The following CAPN2 variants were observed in gnomAD, a reference collection of about 807,000 sequenced individuals.
CAPN2 encodes the protein calpain 2, also known as calpain-2 catalytic subunit.
Under a neutral mutation model 102.3 loss-of-function variants are expected in CAPN2, and 92 were observed. The observed-to-expected ratio is 0.90, with a 90% CI of 0.76 to 1.07. CAPN2 has a LOEUF of 1.07. CAPN2 is among the 50% of genes least tolerant of loss of function. The probability of loss-of-function intolerance (pLI) is 0.00; values close to 1 mark genes in which losing one functional copy is unlikely to be tolerated. For missense variants in CAPN2, 800 were observed against 909.4 expected, an observed-to-expected ratio of 0.88 and a Z score of 1.55; for synonymous variants, 340 against 355.4, an observed-to-expected ratio of 0.96 and a Z score of 0.49.
At chr1:223,760,960 T>C (rs949421152) in intron 12 of CAPN2, among the ~76,000 whole-genome samples, 2 of 152,206 alleles carry the variant, frequency 1.3e-5, no homozygotes, top group African/African-American at 4.8e-5. Context: ...ACCCTCACTA[T>C]GGAGCAGAAG....
rs770639720 is a variant in CAPN2 at position 223,747,179 on chromosome 1, G to T, written c.729+14G>T. On this transcript the variant is annotated intron_variant, in intron 5 of 20. Coordinates refer to ENST00000295006, the MANE Select transcript of CAPN2 (RefSeq NM_001748.5). ...TGCTCCATCGACGTAAGTCCAGGCTGCCTTCCCTAGCCTCACCCCATCTGC... is the reference window on the plus strand; with the variant it reads ...TGCTCCATCGACGTAAGTCCAGGCTTCCTTCCCTAGCCTCACCCCATCTGC... 1.3e-6 allele frequency: 2 copies of T among 1,598,870 alleles called. No homozygotes were observed.
intron 15 of CAPN2, among the ~76,000 whole-genome samples, chr1:223,765,320 G>A (rs188474175): frequency 2.6e-4 from 40 of 152,276 alleles, no homozygotes; most frequent in African/African-American, 8.7e-4. Flanking sequence ...GGCCAGTCAG[G>A]TTACGGTCAG....
upstream of CAPN2, among the ~76,000 whole-genome samples, chr1:223,708,206 T>A (rs1237540289): frequency 6.6e-6 from 1 of 152,168 alleles, no homozygotes. Flanking sequence ...CCCCGCCTTA[T>A]TCAAGAGTAA....
rs369952708 is a variant in CAPN2, at chr1:223,770,467, C to T, written c.1845C>T (p.Asp615=). 1.9e-6 allele frequency: 3 copies of T among 1,613,536 alleles called. No individual in the cohort carries two copies. Among genetic ancestry groups the T allele is most frequent in the Non-Finnish European group, 8.5e-7 (1 of 1,179,660 alleles). The part of the protein sequence containing the change: ...QKYQKIYREI[D]VDRSGTMNSY... Reference sequence around the variant, plus strand: ...TCCAGAAAATTTACCGAGAAATCGACGTTGACAGGTCTGGTACCATGAATT... The same window carrying T: ...TCCAGAAAATTTACCGAGAAATCGATGTTGACAGGTCTGGTACCATGAATT... Residue 615 remains aspartate (D), a synonymous_variant, in exon 18 of 21, where the codon GAC becomes GAT. Coordinates refer to ENST00000295006, the MANE Select transcript of CAPN2 (RefSeq NM_001748.5).
chr1:223,707,429 A>C (rs141578950), intron 1 of CAPN2, among the ~76,000 whole-genome samples: 2 of 152,278 alleles, frequency 1.3e-5, no homozygotes, highest in Non-Finnish European at 2.9e-5. Flanking sequence ...GTGTTTGTCT[A>C]TGTCCTTGTG....
intron 8 of CAPN2, among the ~76,000 whole-genome samples, chr1:223,752,572 C>T (rs1430037021): frequency 6.6e-6 from 1 of 152,200 alleles, no homozygotes; most frequent in African/African-American, 2.4e-5. Context: ...GAGTTCTGAG[C>T]TTCAGAGAAG....
chr1:223,742,418 A>G (rs1333909438), intron 2 of CAPN2, among the ~76,000 whole-genome samples: 3 of 151,204 alleles, frequency 2.0e-5, no homozygotes, highest in East Asian at 3.9e-4. Flanking sequence ...CAAAGAATTC[A>G]GTGAACTTCA....
At chr1:223,712,521 C>A, upstream of CAPN2, 1 of 1,220,034 alleles carries the variant, frequency 8.2e-7, no homozygotes, top group Non-Finnish European at 1.0e-6. Flanking sequence ...AATCATCGCT[C>A]GCAGCGGCGG....
Position 223,704,520 on chromosome 1 carries a change from G to A in CAPN2, c.3+2689G>A, listed in dbSNP as rs146706614. Reference sequence around the variant, plus strand: ...GCAACGTTTTCCCTATTCTACAGATGGAGAAATTGAGGTCTAGGAAGACCA... The same window carrying A: ...GCAACGTTTTCCCTATTCTACAGATAGAGAAATTGAGGTCTAGGAAGACCA... On this transcript the variant is annotated intron_variant, in intron 1 of 20. Transcript: ENST00000433674. 8.5e-3 allele frequency among the ~76,000 whole-genome samples: 1,300 copies of A among 152,256 alleles called. 61 individuals carry two copies. Among genetic ancestry groups the A allele is most frequent in the Admixed American group, 0.079 (1,202 of 15,290 alleles).
In CAPN2 at chr1:223,712,686, G is replaced by C. The variant is rs764162448; in HGVS notation, c.46G>C (p.Glu16Gln). The C allele has an allele frequency of 1.9e-6, 3 of 1,563,194 alleles. No homozygotes were observed. Among genetic ancestry groups the C allele is most frequent in the Non-Finnish European group, 2.6e-6 (3 of 1,157,162 alleles). The change falls in exon 1 of 21, where the codon GAG (glutamate) becomes CAG (glutamine). Residue 16 changes from glutamate (E) to glutamine (Q), a missense_variant. Physicochemically the swap from Glu to Gln is conservative, Grantham distance 29. Coordinates refer to ENST00000295006, the MANE Select transcript of CAPN2 (RefSeq NM_001748.5). ...GCTGGCGAAGGACCGGGAGGCGGCC[G>C]AGGGGCTGGGCTCCCACGACAGGGC... is the stretch of plus-strand genomic sequence containing the variant. ...AKLAKDREAAEGLGSHDRAIK... is the reference protein window; with the variant it reads ...AKLAKDREAAQGLGSHDRAIK...
In CAPN2 at chr1:223,728,354, T is replaced by C. The variant is rs533623711; in HGVS notation, c.307+10523T>C. Among the ~76,000 whole-genome samples, 15 of 152,238 alleles carry C rather than the reference T, an allele frequency of 9.9e-5. No homozygotes were observed. In the South Asian group the frequency reaches 1.7e-3, roughly 17 times the overall value. ...CAGCAGGGGTCCAGGGATCTCTGTC[T>C]CTTTTGTGGTCTCCCCATCACAGGG... On this transcript the variant is annotated intron_variant, in intron 2 of 20. Transcript: ENST00000295006.
intron 2 of CAPN2, among the ~76,000 whole-genome samples, chr1:223,742,673 C>T (rs1057251065): frequency 6.2e-5 from 9 of 146,076 alleles, no homozygotes; most frequent in Non-Finnish European, 1.3e-4. Flanking sequence ...GTGTCTACCA[C>T]CACACCTGGC....
intron 2 of CAPN2, among the ~76,000 whole-genome samples, chr1:223,719,058 C>T (rs368737794): frequency 1.3e-4 from 20 of 152,334 alleles, no homozygotes; most frequent in Middle Eastern, 3.4e-3. Flanking sequence ...TCAGGCTCTG[C>T]AGATTCCTGA....
intron 4 of CAPN2, among the ~76,000 whole-genome samples, chr1:223,746,492 T>G (rs902968526): frequency 8.7e-5 from 13 of 149,264 alleles, no homozygotes; most frequent in African/African-American, 3.3e-4. Context: ...TTTTTTTTTT[T>G]TTTTAATACG....
At chr1:223,744,626 C>T (rs1404526877) in intron 3 of CAPN2, among the ~76,000 whole-genome samples, 1 of 152,082 alleles carries the variant, frequency 6.6e-6, no homozygotes, top group Non-Finnish European at 1.5e-5. Flanking sequence ...TTTGGGAGGC[C>T]GAGGTGGGCA....
chr1:223,770,654 G>T, intron 18 of CAPN2, 129 bp downstream of exon 18: 1 of 595,256 alleles, frequency 1.7e-6, no homozygotes, highest in Non-Finnish European at 3.0e-6. Flanking sequence ...GTTTAATACA[G>T]ACACCTCCTT....
chr1:223,747,082 G>A lies in CAPN2; in HGVS notation c.646G>A (p.Glu216Lys). The A allele has an allele frequency of 6.2e-7, 1 of 1,614,146 alleles. No homozygotes were observed. The highest frequency in any genetic ancestry group is 8.5e-7 in the Non-Finnish European group (1 of 1,180,002). The change falls in exon 5 of 21, where the codon GAG (glutamate) becomes AAG (lysine). Residue 216 changes from glutamate (E) to lysine (K), a missense_variant. Transcript: ENST00000295006. ...CACCGGAGGCATTGCTGAGTGGTAT[G>A]AGTTGAAGAAGCCCCCTCCCAACCT... ...DFTGGIAEWY[E>K]LKKPPPNLFK...
chr1:223,763,007 G>A (rs1305381181), intron 14 of CAPN2, among the ~76,000 whole-genome samples: 1 of 151,676 alleles, frequency 6.6e-6, no homozygotes, highest in African/African-American at 2.4e-5. Flanking sequence ...ATTTTTTTTA[G>A]AGACAGGGTC....
rs1234150243 is a variant in CAPN2 at position 223,725,681 on chromosome 1, G to T, written c.307+7850G>T. On this transcript the variant is annotated intron_variant, in intron 2 of 20. Transcript: ENST00000295006. This position sits in a 1 kb window ranked among gnomAD's most constrained non-coding sequence, Gnocchi z 4.1. ...ATGACAGAGGAGGTGGTGTCCCAGG[G>T]GGAAGGTCCGGAAACTCAGAGGAGT... Among the ~76,000 whole-genome samples, 1 of 152,124 alleles carries T rather than the reference G, an allele frequency of 6.6e-6. No individual in the cohort carries two copies. The highest frequency in any genetic ancestry group is 1.5e-5 in the Non-Finnish European group (1 of 68,030).
Sources: allele counts gnomAD v4.1 joint callset (sites outside exome capture counted in the v4.1 genomes callset), GRCh38; gene constraint gnomAD v4.1.1; non-coding constraint Gnocchi (gnomAD v3.1); transcripts MANE v1.5; gene names NCBI Gene and HGNC (gene_info 2026-07-23, HGNC 2026-07-21).